ATP2B2: variants seen among roughly 807,000 people sequenced by gnomAD.
ATP2B2 encodes plasma membrane calcium-transporting ATPase 2.
A neutral mutation model predicts 120.0 loss-of-function variants in ATP2B2; 15 were observed. The ratio of observed to expected loss-of-function variants is 0.12; its 90% confidence interval spans 0.08 to 0.19. ATP2B2 has a LOEUF of 0.19. ATP2B2 is among the 10% of genes least tolerant of loss of function. The pLI, the probability that ATP2B2 is intolerant of heterozygous loss-of-function variation, is 1.00. For synonymous variants in ATP2B2, 694 were observed against 700.3 expected, an observed-to-expected ratio of 0.99 and a Z score of 0.14; for missense variants, 1,045 against 1,719.8, an observed-to-expected ratio of 0.61 and a Z score of 6.94.
chr3:10,412,848 C>T (rs749528043), intron 2 of ATP2B2, among the ~76,000 whole-genome samples: 1 of 152,116 alleles, frequency 6.6e-6, no homozygotes, highest in Non-Finnish European at 1.5e-5. Context: ...GGCCCCGCAG[C>T]GGGGCAACGA....
chr3:10,650,831 G>A (rs898152171), intron 1 of ATP2B2, among the ~76,000 whole-genome samples: 1 of 152,232 alleles, frequency 6.6e-6, no homozygotes, highest in Non-Finnish European at 1.5e-5. Flanking sequence ...CAGGAGGGGA[G>A]CTATGCCCTG....
intron 12 of ATP2B2, among the ~76,000 whole-genome samples, chr3:10,364,890 C>T (rs548791156): frequency 2.2e-4 from 33 of 152,292 alleles, no homozygotes; most frequent in African/African-American, 7.7e-4. Flanking sequence ...GGACAGGCAT[C>T]AGCAATGACG....
chr3:10,618,271 G>A (rs116034918), intron 2 of ATP2B2, among the ~76,000 whole-genome samples: 362 of 152,290 alleles, frequency 2.4e-3, no homozygotes, highest in Non-Finnish European at 4.3e-3. Flanking sequence ...CCTGCAGAAC[G>A]GGGATAATCA....
chr3:10,699,728 C>T (rs1313147464), intron 1 of ATP2B2, among the ~76,000 whole-genome samples: 1 of 152,126 alleles, frequency 6.6e-6, no homozygotes, highest in East Asian at 1.9e-4. Context: ...ATCATGGGGC[C>T]TCTGACCTCA....
chr3:10,708,036 C>T (rs1163542372), upstream of ATP2B2: 9 of 144,606 alleles, frequency 6.2e-5, no homozygotes, highest in Non-Finnish European at 1.2e-4. Flanking sequence ...CTGCCCCGCG[C>T]TCGCCTGCCC....
chr3:10,514,799 C>T (rs1559433031), intron 3 of ATP2B2, among the ~76,000 whole-genome samples: 1 of 152,248 alleles, frequency 6.6e-6, no homozygotes, highest in Non-Finnish European at 1.5e-5. Context: ...AGTCTAGTGG[C>T]CACTCTGCAG....
At chr3:10,512,925 GCTC>G (rs1174203662) in intron 3 of ATP2B2, among the ~76,000 whole-genome samples, 1 of 152,174 alleles carries the variant, frequency 6.6e-6, no homozygotes, top group East Asian at 1.9e-4. Flanking sequence ...CTGGCCTCAG[GCTC>G]CTCATTTGTA....
At chr3:10,522,460 T>A (rs1238874902) in intron 3 of ATP2B2, among the ~76,000 whole-genome samples, 1 of 152,212 alleles carries the variant, frequency 6.6e-6, no homozygotes, top group Admixed American at 6.5e-5. Flanking sequence ...CCTATCTCCC[T>A]TCTACCTCCT....
intron 3 of ATP2B2, among the ~76,000 whole-genome samples, chr3:10,405,849 C>A (rs2062392892): frequency 6.6e-6 from 1 of 152,190 alleles, no homozygotes; most frequent in African/African-American, 2.4e-5. Context: ...TTCTAAACAC[C>A]TACTATGTGC....
intron 2 of ATP2B2, among the ~76,000 whole-genome samples, chr3:10,612,253 A>G (rs2069259981): frequency 6.6e-6 from 1 of 151,952 alleles, no homozygotes; most frequent in South Asian, 2.1e-4. Flanking sequence ...TTCCTCACTA[A>G]CCGTTCCCAC....
At chr3:10,364,229 G>A (rs979010560) in intron 12 of ATP2B2, among the ~76,000 whole-genome samples, 4 of 152,240 alleles carry the variant, frequency 2.6e-5, no homozygotes, top group Admixed American at 2.0e-4. Context: ...TGGGAGGAGA[G>A]GGGAATGGAA....
intron 5 of ATP2B2, among the ~76,000 whole-genome samples, chr3:10,396,264 T>A (rs1340364009): frequency 6.6e-6 from 1 of 152,190 alleles, no homozygotes. Flanking sequence ...ATGCCTGTGG[T>A]CCCCACAACA....
chr3:10,576,592 C>G (rs2068253466), intron 2 of ATP2B2, among the ~76,000 whole-genome samples: 1 of 151,998 alleles, frequency 6.6e-6, no homozygotes, highest in African/African-American at 2.4e-5. Flanking sequence ...ATTCCCCAGG[C>G]TGGTCTTCAA....
chr3:10,333,550 T>G (rs752370675), intron 22 of ATP2B2, among the ~76,000 whole-genome samples: 18 of 152,030 alleles, frequency 1.2e-4, no homozygotes, highest in Non-Finnish European at 2.1e-4. Flanking sequence ...CACGAGGCTG[T>G]GTTGTCCAAA....
intron 2 of ATP2B2, among the ~76,000 whole-genome samples, chr3:10,422,704 T>C (rs2063024627): frequency 6.6e-6 from 1 of 152,352 alleles, no homozygotes; most frequent in East Asian, 1.9e-4. Context: ...ATGTGCATAG[T>C]GCAGCGCTGG....
chr3:10,678,019 G>A (rs891313837), intron 1 of ATP2B2, among the ~76,000 whole-genome samples: 1 of 152,108 alleles, frequency 6.6e-6, no homozygotes, highest in African/African-American at 2.4e-5. Flanking sequence ...ACTGTCCAAG[G>A]TCACACAGCT....
upstream of ATP2B2, among the ~76,000 whole-genome samples, chr3:10,508,813 T>C (rs540496599): frequency 6.6e-6 from 1 of 152,046 alleles, no homozygotes; most frequent in Non-Finnish European, 1.5e-5. Flanking sequence ...CAGGTCAGGG[T>C]CAGCCACAGG....
intron 2 of ATP2B2, among the ~76,000 whole-genome samples, chr3:10,613,783 T>C (rs2069305857): frequency 6.6e-6 from 1 of 151,964 alleles, no homozygotes; most frequent in Non-Finnish European, 1.5e-5. Context: ...TTGGGGAGCC[T>C]GTATCCCCCA....
At chr3:10,349,888 G>C (rs567715391) in intron 16 of ATP2B2, among the ~76,000 whole-genome samples, 7 of 152,284 alleles carry the variant, frequency 4.6e-5, no homozygotes, top group African/African-American at 1.7e-4. Context: ...TTGCTTCCTA[G>C]GGGAGTTGGA....
Sources: gnomAD v4.1 joint callset for allele counts (sites outside exome capture counted in the v4.1 genomes callset) on GRCh38, gnomAD v4.1.1 for gene constraint, MANE v1.5 for transcripts, NCBI Gene and HGNC (gene_info 2026-07-23, HGNC 2026-07-21) for gene names.